The following WDR31 variants were observed in gnomAD, a reference collection of about 807,000 sequenced individuals.
WDR31 encodes WD repeat-containing protein 31.
In WDR31, 30 loss-of-function variants were observed where a neutral mutation model predicts 47.3. That is an observed-to-expected ratio of 0.63 (90% CI 0.47 to 0.86). The LOEUF (loss-of-function observed/expected upper bound fraction) is 0.86. Ranked by LOEUF, WDR31 falls within the 40% of genes least tolerant of loss-of-function variation. WDR31 has a pLI of 0.00. For synonymous variants in WDR31, 137 were observed against 159.4 expected, an observed-to-expected ratio of 0.86 and a Z score of 1.06; for missense variants, 406 against 442.9, an observed-to-expected ratio of 0.92 and a Z score of 0.75.
intron 1 of WDR31, among the ~76,000 whole-genome samples, chr9:113,336,658 C>T (rs962864398): frequency 6.6e-6 from 1 of 152,102 alleles, no homozygotes; most frequent in African/African-American, 2.4e-5. Flanking sequence ...TGATTTTGCT[C>T]ATAACATAGT....
At chr9:113,327,419 GCACACACACACA>G (rs35798479) in intron 5 of WDR31, among the ~76,000 whole-genome samples, 2 of 148,842 alleles carry the variant, frequency 1.3e-5, no homozygotes, top group African/African-American at 4.9e-5. Context: ...AGTGTTACAT[GCACACACACACA>G]CACACACACA....
At position 113,321,456 on chromosome 9, in the gene WDR31, C is replaced by G. The variant is rs377417416; in HGVS notation, c.638+55G>C. On this transcript the variant is annotated intron_variant, in intron 8 of 10. Transcript: ENST00000374193. Reference sequence around the variant, plus strand: ...CAGAGTGGGAATGGAGCCATGTATGCATGGGAGCCACAAACCTCACAAGAA... The same window carrying G: ...CAGAGTGGGAATGGAGCCATGTATGGATGGGAGCCACAAACCTCACAAGAA... The G allele has an allele frequency of 1.5e-5, 23 of 1,555,630 alleles. No individual in the cohort carries two copies. In the African/African-American group the frequency reaches 3.0e-4, roughly 20 times the overall value.
At chr9:113,339,945 G>A (rs1833794615) in intron 1 of WDR31, among the ~76,000 whole-genome samples, 1 of 152,108 alleles carries the variant, frequency 6.6e-6, no homozygotes, top group African/African-American at 2.4e-5. Flanking sequence ...GTGTTGCCCA[G>A]GATGGTCTCG....
chr9:113,336,117 A>C (rs1833711869), intron 2 of WDR31, among the ~76,000 whole-genome samples, 171 bp downstream of exon 2: 2 of 152,206 alleles, frequency 1.3e-5, no homozygotes, highest in South Asian at 2.1e-4. Context: ...CAACATTGTC[A>C]TCAAACCAAT....
chr9:113,337,597 C>T (rs556628244), intron 1 of WDR31, among the ~76,000 whole-genome samples: 1 of 151,948 alleles, frequency 6.6e-6, no homozygotes, highest in Non-Finnish European at 1.5e-5. Flanking sequence ...TCCTGAGTAG[C>T]TGCGATTACA....
chr9:113,322,717 T>G, intron 7 of WDR31, 94 bp downstream of exon 7: 1 of 1,294,852 alleles, frequency 7.7e-7, no homozygotes, highest in Non-Finnish European at 1.1e-6. Context: ...GGCTCTAATT[T>G]CTGCTCATGG....
At chr9:113,321,739 A>G (rs1314583471) in intron 7 of WDR31, among the ~76,000 whole-genome samples, 161 bp from the exon 8 acceptor site, 2 of 152,178 alleles carry the variant, frequency 1.3e-5, no homozygotes, top group African/African-American at 4.8e-5. Context: ...CCTATCAGTC[A>G]TGCTCTACCT....
At chr9:113,334,218 C>G (rs1245747164) in intron 2 of WDR31, among the ~76,000 whole-genome samples, 2 of 152,070 alleles carry the variant, frequency 1.3e-5, no homozygotes, top group Non-Finnish European at 2.9e-5. Flanking sequence ...CTCCTGGGCT[C>G]AAGCAATCCA....
chr9:113,318,574 C>A lies in WDR31; in HGVS notation c.844G>T (p.Ala282Ser), dbSNP rs149734502. 1.2e-6 allele frequency: 2 copies of A among 1,614,176 alleles called. No individual in the cohort carries two copies. The highest frequency in any genetic ancestry group is 1.3e-5 in the African/African-American group (1 of 75,040). ...CEYKGHFQTVASCVFLPRALA... is the reference protein window; with the variant it reads ...CEYKGHFQTVSSCVFLPRALA... The stretch of plus-strand genomic sequence containing the variant: ...GCTCTTGGTAGAAAGACGCAGGATG[C>A]GACAGTCTGGAAATGCCCCTTATAC... Residue 282 changes from alanine (A) to serine (S), a missense_variant, in exon 10 of 11, where the codon GCA becomes TCA. Physicochemically the swap from Ala to Ser is moderately conservative, Grantham distance 99. Transcript: ENST00000374193.
At chr9:113,329,643 T>C (rs1833550776) in intron 4 of WDR31, among the ~76,000 whole-genome samples, 1 of 151,292 alleles carries the variant, frequency 6.6e-6, no homozygotes, top group Non-Finnish European at 1.5e-5. Context: ...CTATGATACT[T>C]CGATGCATCC....
At position 113,314,191 on chromosome 9, in the gene WDR31, T is replaced by C. The variant is rs984378802; in HGVS notation, c.*2558A>G. On this transcript the variant is annotated 3_prime_UTR_variant, in exon 11 of 11. Coordinates refer to ENST00000374193, the MANE Select transcript of WDR31 (RefSeq NM_001012361.4). Reference sequence around the variant, plus strand: ...AAAAAAAAAAAAAAGGATCAAGGAATGGTAAACGTTTATTTTATTTTATTT... The same window carrying C: ...AAAAAAAAAAAAAAGGATCAAGGAACGGTAAACGTTTATTTTATTTTATTT... 2 of 136,034 alleles carry C rather than the reference T, an allele frequency of 1.5e-5. No homozygotes were observed. The highest frequency in any genetic ancestry group is 2.8e-5 in the African/African-American group (1 of 35,302). The allele number at this position is 136,034 out of a possible 1,614,324, so 8.4% of individuals were successfully genotyped here.
At chr9:113,337,159 T>A (rs921038405) in intron 1 of WDR31, among the ~76,000 whole-genome samples, 5 of 152,212 alleles carry the variant, frequency 3.3e-5, no homozygotes, top group African/African-American at 1.2e-4. Flanking sequence ...TTGTGAATTA[T>A]AGCTCAACTG....
chr9:113,335,721 A>G (rs532572142), intron 2 of WDR31, among the ~76,000 whole-genome samples: 2 of 152,336 alleles, frequency 1.3e-5, no homozygotes, highest in East Asian at 1.9e-4. Flanking sequence ...AGTGGCATCA[A>G]GAGGCCTAGG....
At chr9:113,336,060 C>A (rs1197333912) in intron 2 of WDR31, among the ~76,000 whole-genome samples, 1 of 152,208 alleles carries the variant, frequency 6.6e-6, no homozygotes, top group East Asian at 1.9e-4. Flanking sequence ...GTATTGTTTA[C>A]AGATAGAGGG....
intron 2 of WDR31, 63 bp from the exon 3 acceptor site, chr9:113,332,113 A>C (rs982210445): frequency 6.1e-5 from 72 of 1,176,028 alleles, no homozygotes; most frequent in Non-Finnish European, 8.5e-5. Flanking sequence ...ATGATGTTGA[A>C]AATAAATCCT....
chr9:113,338,680 A>G (rs994294032), intron 1 of WDR31, among the ~76,000 whole-genome samples: 1 of 147,870 alleles, frequency 6.8e-6, no homozygotes, highest in African/African-American at 2.5e-5. Context: ...GTGCAATGGC[A>G]CCATCTCAGC....
intron 9 of WDR31, among the ~76,000 whole-genome samples, chr9:113,320,072 A>G (rs1178098587): frequency 6.6e-6 from 1 of 152,182 alleles, no homozygotes; most frequent in Non-Finnish European, 1.5e-5. Context: ...GGCACATGCC[A>G]CCATGCCCAG....
chr9:113,331,052 G>A lies in WDR31; in HGVS notation c.181C>T (p.His61Tyr), dbSNP rs1192598901. The change falls in exon 4 of 11, where the codon CAC becomes TAC. Residue 61 changes from histidine to tyrosine, a missense_variant. Physicochemically the swap from His to Tyr is moderately conservative, Grantham distance 83. Coordinates refer to ENST00000374193, the MANE Select transcript of WDR31 (RefSeq NM_001012361.4). Reference sequence around the variant, plus strand: ...GCCACGACAGAGACGGTATCCATGTGAGCTGGGCTATACTCTTGAAAAGCT... The same window carrying A: ...GCCACGACAGAGACGGTATCCATGTAAGCTGGGCTATACTCTTGAAAAGCT... Reference protein sequence around the residue: ...TKAFQEYSPAHMDTVSVVAAL... With the variant: ...TKAFQEYSPAYMDTVSVVAAL... 1.2e-6 allele frequency: 2 copies of A among 1,612,202 alleles called. No individual in the cohort carries two copies. The highest frequency in any genetic ancestry group is 2.2e-5 in the South Asian group (2 of 90,878).
rs540416428 is a variant in WDR31 at position 113,313,240 on chromosome 9, T to C, written c.*3509A>G. 6.6e-6 allele frequency: 1 copy of C among 152,242 alleles called. No homozygotes were observed. The highest frequency in any genetic ancestry group is 2.4e-5 in the African/African-American group (1 of 41,464). The allele number at this position is 152,242 out of a possible 1,614,324, so 9.4% of individuals were successfully genotyped here. A position where few individuals can be genotyped will look rare whatever the true frequency, so the allele number is the denominator to read the frequency against. ...GCACATGTACAGTTTATGGAAACAA[T>C]TTTATTGGTAACAGAACCCTACTAA... On this transcript the variant is annotated 3_prime_UTR_variant, in exon 11 of 11. Coordinates refer to ENST00000374193, the MANE Select transcript of WDR31 (RefSeq NM_001012361.4).
Sources: gnomAD v4.1 joint callset for allele counts (sites outside exome capture counted in the v4.1 genomes callset) on GRCh38, gnomAD v4.1.1 for gene constraint, MANE v1.5 for transcripts, NCBI Gene and HGNC (gene_info 2026-07-23, HGNC 2026-07-21) for gene names.